The following PNLIPRP3 variants were observed in gnomAD, a reference collection of about 807,000 sequenced individuals.
PNLIPRP3 encodes pancreatic lipase related protein 3.
Under a neutral mutation model 52.8 loss-of-function variants are expected in PNLIPRP3, and 58 were observed. The ratio of observed to expected loss-of-function variants is 1.10; its 90% CI spans 0.89 to 1.37. The LOEUF (loss-of-function observed/expected upper bound fraction) is 1.37, where lower values mean the gene tolerates loss of function less well. Ranked by LOEUF, PNLIPRP3 falls within the 40% of genes most tolerant of loss-of-function variation. The pLI is 0.00. For synonymous variants in PNLIPRP3, 192 were observed against 185.0 expected (o/e 1.04, Z -0.31); for missense variants, 593 against 561.6 (o/e 1.06, Z -0.57).
chr10:116,438,235 A>G (rs1845806029), intron 2 of PNLIPRP3, among the ~76,000 whole-genome samples: 1 of 152,230 alleles, frequency 6.6e-6, no homozygotes, highest in Non-Finnish European at 1.5e-5. Flanking sequence ...ATTGAAACCC[A>G]AAGAGTACAT....
intron 7 of PNLIPRP3, among the ~76,000 whole-genome samples, chr10:116,465,538 A>G (rs2133149925): frequency 6.6e-6 from 1 of 150,626 alleles, no homozygotes; most frequent in South Asian, 2.1e-4. Flanking sequence ...CCATCTAAAA[A>G]AAAAACAAAA....
At chr10:116,464,798 T>C in intron 7 of PNLIPRP3, among the ~76,000 whole-genome samples, 1 of 152,226 alleles carries the variant, frequency 6.6e-6, no homozygotes, top group Non-Finnish European at 1.5e-5. Context: ...TACAGCTCAT[T>C]TGTTCCCACC....
intron 4 of PNLIPRP3, among the ~76,000 whole-genome samples, chr10:116,453,253 G>T (rs1048028479): frequency 2.4e-4 from 37 of 152,262 alleles, no homozygotes; most frequent in African/African-American, 7.7e-4. Flanking sequence ...GAATTGAACT[G>T]TTTACCCAAT....
chr10:116,465,573 C>A (rs902969179), intron 7 of PNLIPRP3, among the ~76,000 whole-genome samples: 1 of 150,524 alleles, frequency 6.6e-6, no homozygotes, highest in Non-Finnish European at 1.5e-5. Context: ...AACAAAAAAC[C>A]TTGTTCAGAA....
chr10:116,455,909 A>T (rs1846106195), intron 5 of PNLIPRP3, 79 bp downstream of exon 5: 1 of 971,888 alleles, frequency 1.0e-6, no homozygotes, highest in Non-Finnish European at 1.6e-6. Context: ...AACACCAAGT[A>T]ATACTGCAGA....
intron 5 of PNLIPRP3, among the ~76,000 whole-genome samples, chr10:116,458,216 G>A (rs951349174): frequency 6.6e-6 from 1 of 151,852 alleles, no homozygotes; most frequent in African/African-American, 2.4e-5. Context: ...CTTATTTGAG[G>A]AAAAATTACT....
At position 116,455,751 on chromosome 10, in the gene PNLIPRP3, G is replaced by T; in HGVS notation, c.486G>T (p.Val162=). 6.2e-7 allele frequency: 1 copy of T among 1,613,598 alleles called. No homozygotes were observed. Among genetic ancestry groups the T allele is most frequent in the Non-Finnish European group, 8.5e-7 (1 of 1,179,888 alleles). Residue 162 remains valine, a synonymous_variant, in exon 5 of 12, where the codon GTG becomes GTT. Coordinates refer to ENST00000369230, the MANE Select transcript of PNLIPRP3 (RefSeq NM_001011709.3). ...AATTTGAATATTCCCCTTCTAAAGT[G>T]CACTTGATTGGCCACAGCTTGGGAG... The part of the protein sequence containing the change: ...MKKFEYSPSK[V]HLIGHSLGAH...
chr10:116,428,678 G>A (rs1253696127), intron 1 of PNLIPRP3, among the ~76,000 whole-genome samples: 1 of 152,108 alleles, frequency 6.6e-6, no homozygotes, highest in Admixed American at 6.6e-5. Flanking sequence ...ACATTACAAT[G>A]TAAGGAGTTA....
At chr10:116,432,044 T>C (rs1845715728) in intron 1 of PNLIPRP3, among the ~76,000 whole-genome samples, 3 of 152,226 alleles carry the variant, frequency 2.0e-5, no homozygotes, top group Admixed American at 1.3e-4. Context: ...CTGTCACTGT[T>C]TTAATGTAGC....
intron 7 of PNLIPRP3, among the ~76,000 whole-genome samples, chr10:116,461,887 C>G (rs1255212166): frequency 6.6e-6 from 1 of 152,124 alleles, no homozygotes; most frequent in African/African-American, 2.4e-5. Flanking sequence ...AGTGTAAGGG[C>G]TGAAAACAGG....
rs955785442 is a variant in PNLIPRP3, at chr10:116,431,901, T to G, written c.49+3840T>G. ...TGGAATGCTGTCCCACACATCTGCA[T>G]GCGGTTTGCTCCTCTCCCCCCCAGG... is the stretch of plus-strand genomic sequence containing the variant. On this transcript the variant is annotated intron_variant, in intron 1 of 11. Transcript: ENST00000369230. Among the ~76,000 whole-genome samples the G allele has an allele frequency of 5.9e-5, 9 of 152,086 alleles. No individual in the cohort carries two copies. The South Asian group carries it at 1.5e-3, about 25-fold the overall frequency.
chr10:116,452,882 C>T (rs970248564), intron 4 of PNLIPRP3, among the ~76,000 whole-genome samples: 1 of 152,256 alleles, frequency 6.6e-6, no homozygotes. Flanking sequence ...TAAGGCAATG[C>T]CAAGAAGAAA....
intron 1 of PNLIPRP3, among the ~76,000 whole-genome samples, chr10:116,434,122 A>T (rs568972384): frequency 6.6e-6 from 1 of 152,338 alleles, no homozygotes; most frequent in African/African-American, 2.4e-5. Context: ...AGACAAAAAG[A>T]AAAAACCAGA....
chr10:116,431,802 G>A (rs536881717), intron 1 of PNLIPRP3, among the ~76,000 whole-genome samples: 20 of 152,118 alleles, frequency 1.3e-4, no homozygotes, highest in African/African-American at 4.3e-4. Flanking sequence ...CCCTAGTCCC[G>A]GTGCCTCCTC....
At chr10:116,442,537 C>T (rs553433495) in intron 2 of PNLIPRP3, among the ~76,000 whole-genome samples, 8 of 152,232 alleles carry the variant, frequency 5.3e-5, no homozygotes, top group Admixed American at 3.9e-4. Context: ...ATTTTTTCCT[C>T]GTGTTGAATT....
chr10:116,427,955 G>T lies in PNLIPRP3; in HGVS notation c.-58G>T. ...ACCACTTAGTATTTTATAGTGAGGT[G>T]ACTTTACAAGTAAAGATCTTCAAGA... On this transcript the variant is annotated 5_prime_UTR_variant, in exon 1 of 12. Coordinates refer to ENST00000369230, the MANE Select transcript of PNLIPRP3 (RefSeq NM_001011709.3). 7.6e-7 allele frequency: 1 copy of T among 1,311,030 alleles called. No individual in the cohort carries two copies. The highest frequency in any genetic ancestry group is 1.2e-5 in the South Asian group (1 of 82,578). The allele number at this position is 1,311,030 out of a possible 1,614,324, so 81.2% of individuals were successfully genotyped here.
chr10:116,469,778 A>G (rs1272452110), intron 9 of PNLIPRP3, among the ~76,000 whole-genome samples: 2 of 152,182 alleles, frequency 1.3e-5, no homozygotes, highest in African/African-American at 4.8e-5. Context: ...AGGTCAGATC[A>G]TGAGGCAAGG....
intron 4 of PNLIPRP3, among the ~76,000 whole-genome samples, chr10:116,445,278 G>A (rs1845928297): frequency 6.6e-6 from 1 of 152,188 alleles, no homozygotes; most frequent in Non-Finnish European, 1.5e-5. Context: ...ACAAGAAAAT[G>A]TCAGTTGGTG....
At chr10:116,474,358 T>A (rs1432036322) in intron 10 of PNLIPRP3, among the ~76,000 whole-genome samples, 1 of 152,022 alleles carries the variant, frequency 6.6e-6, no homozygotes, top group Non-Finnish European at 1.5e-5. Flanking sequence ...GGAAAACAAC[T>A]TAGGTAATAC....
Sources: allele counts gnomAD v4.1 joint callset (sites outside exome capture counted in the v4.1 genomes callset), GRCh38; gene constraint gnomAD v4.1.1; transcripts MANE v1.5; gene names NCBI Gene and HGNC (gene_info 2026-07-23, HGNC 2026-07-21).